The following TPPP3 variants were observed in gnomAD, a reference collection of about 807,000 sequenced individuals.
TPPP3 encodes the protein tubulin polymerization promoting protein family member 3.
A neutral mutation model predicts 13.1 loss-of-function variants in TPPP3; 7 were observed. The ratio of observed to expected loss-of-function variants is 0.54; its 90% CI spans 0.30 to 1.01. TPPP3 has a LOEUF of 1.01. Among genes scored for constraint, TPPP3 ranks in the 50% least tolerant of loss-of-function variants. The pLI is 0.06. For missense variants in TPPP3, 185 were observed against 235.0 expected, an observed-to-expected ratio of 0.79 and a Z score of 1.39; for synonymous variants, 87 against 93.7, an observed-to-expected ratio of 0.93 and a Z score of 0.41.
rs144866541 is a variant in TPPP3 at position 67,392,917 on chromosome 16, A to G, written c.-7+463T>C. 9.3e-6 allele frequency: 9 copies of G among 964,890 alleles called. No homozygotes were observed. Among genetic ancestry groups the G allele is most frequent in the Non-Finnish European group, 1.1e-5 (9 of 811,422 alleles). The allele number at this position is 964,890 out of a possible 1,614,324, so 59.8% of individuals were successfully genotyped here. A position where few individuals can be genotyped will look rare whatever the true frequency, so the allele number is the denominator to read the frequency against. ...CTCCCCTTCCCTTTCCCTGGGTGCA[A>G]CCTCCCACCAGGGACCCCAAGACCC... On this transcript the variant is annotated intron_variant, in intron 1 of 3. Transcript: ENST00000393957. The surrounding 1 kb of genome is among the most constrained non-coding windows in gnomAD (Gnocchi z 4.9).
chr16:67,390,501 T>A lies in TPPP3; in HGVS notation c.320A>T (p.Glu107Val). 1 of 1,613,620 alleles carries A rather than the reference T, an allele frequency of 6.2e-7. No homozygotes were observed. The highest frequency in any genetic ancestry group is 8.5e-7 in the Non-Finnish European group (1 of 1,179,902). Residue 107 changes from glutamate (E) to valine (V), a missense_variant, in exon 3 of 4, where the codon GAG (glutamate) becomes GTG (valine). By Grantham distance (121) the Glu-to-Val change is moderately radical. Coordinates refer to ENST00000393957, the MANE Select transcript of TPPP3 (RefSeq NM_015964.4). The surrounding 1 kb of genome is among the most constrained non-coding windows in gnomAD (Gnocchi z 6.4). The stretch of plus-strand genomic sequence containing the variant: ...TACAGTGACGCCCACATTGGCTGGC[T>A]CTTTGCCTGCCACCAGCTGGCAGAT... ...DAICQLVAGK[E>V]PANVGVTKAK...
rs967850579 is a variant in TPPP3, at chr16:67,393,423, C to T, written c.-50G>A. ...GTGTGCGTTCGGAAGGACAGAACGA[C>T]GCAGGAATGGACCGATGGACGCGGG... is the stretch of plus-strand genomic sequence containing the variant. On this transcript the variant is annotated 5_prime_UTR_variant, in exon 1 of 4. Transcript: ENST00000393957. The surrounding 1 kb of genome is among the most constrained non-coding windows in gnomAD (Gnocchi z 5.4). 2.0e-6 allele frequency: 2 copies of T among 985,578 alleles called. No individual in the cohort carries two copies. The highest frequency in any genetic ancestry group is 2.4e-6 in the Non-Finnish European group (2 of 830,032). The allele number at this position is 985,578 out of a possible 1,614,324, so 61.1% of individuals were successfully genotyped here. A position where few individuals can be genotyped will look rare whatever the true frequency, so the allele number is the denominator to read the frequency against.
Position 67,390,678 on chromosome 16 carries a change from C to T in TPPP3, c.189-46G>A. The T allele has an allele frequency of 6.4e-7, 1 of 1,572,432 alleles. No homozygotes were observed. The highest frequency in any genetic ancestry group is 8.6e-7 in the Non-Finnish European group (1 of 1,164,128). ...ATGAGGGTTCCCCTTTCTTTTTTCT[C>T]CCCCAGGGGAAAGCTCAAACACATT... On this transcript the variant is annotated intron_variant, in intron 2 of 3. Transcript: ENST00000393957. The surrounding 1 kb of genome is among the most constrained non-coding windows in gnomAD (Gnocchi z 6.4).
rs1431656456 is a variant in TPPP3 at position 67,392,732 on chromosome 16, G to A, written c.-7+648C>T. 6.6e-6 allele frequency among the ~76,000 whole-genome samples: 1 copy of A among 152,080 alleles called. No individual in the cohort carries two copies. The highest frequency in any genetic ancestry group is 1.5e-5 in the Non-Finnish European group (1 of 68,010). ...CTTCTAGCTCTGCCTTTTACACTAG[G>A]GCTTCCAGTGACCACGGCCTGGGCT... On this transcript the variant is annotated intron_variant, in intron 1 of 3. Transcript: ENST00000393957. This position sits in a 1 kb window ranked among gnomAD's most constrained non-coding sequence, Gnocchi z 4.9.
Position 67,389,831 on chromosome 16 carries a change from T to C in TPPP3, c.*343A>G, listed in dbSNP as rs2040302670. ...ATATTGGTACAAAAGGTGTCTTTAT[T>C]GAGGTCTGGGTTAAAATTAGGCACT... On this transcript the variant is annotated 3_prime_UTR_variant, in exon 4 of 4. Transcript: ENST00000393957. 1 of 284,970 alleles carries C rather than the reference T, an allele frequency of 3.5e-6. No individual in the cohort carries two copies. The highest frequency in any genetic ancestry group is 4.6e-5 in the Admixed American group (1 of 21,592). 17.7% of individuals were successfully genotyped at this position (284,970 alleles called of 1,614,324 possible). A position where few individuals can be genotyped will look rare whatever the true frequency, so the allele number is the denominator to read the frequency against.
In TPPP3 at chr16:67,389,874, T is replaced by G; in HGVS notation, c.*300A>C. Reference sequence around the variant, plus strand: ...TAGGCACTTGGCCAGAGCAGCAGCTTAAATATGAGGCAAGCAGTCAGGGGT... The same window carrying G: ...TAGGCACTTGGCCAGAGCAGCAGCTGAAATATGAGGCAAGCAGTCAGGGGT... On this transcript the variant is annotated 3_prime_UTR_variant, in exon 4 of 4. Coordinates refer to ENST00000393957, the MANE Select transcript of TPPP3 (RefSeq NM_015964.4). 2.5e-6 allele frequency: 1 copy of G among 399,426 alleles called. No individual in the cohort carries two copies. The highest frequency in any genetic ancestry group is 4.6e-6 in the Non-Finnish European group (1 of 219,538). The allele number at this position is 399,426 out of a possible 1,614,324, so 24.7% of individuals were successfully genotyped here. A position where few individuals can be genotyped will look rare whatever the true frequency, so the allele number is the denominator to read the frequency against.
At position 67,389,943 on chromosome 16, in the gene TPPP3, C is replaced by G. The variant is rs2040303926; in HGVS notation, c.*231G>C. The G allele has an allele frequency of 1.8e-6, 1 of 568,702 alleles. No homozygotes were observed. The allele number at this position is 568,702 out of a possible 1,614,324, so 35.2% of individuals were successfully genotyped here. A position where few individuals can be genotyped will look rare whatever the true frequency, so the allele number is the denominator to read the frequency against. ...GGTTGGGGTCATGAGGCTACAGGCA[C>G]AGACTGTCCCCAGGTGGACAGAAGT... On this transcript the variant is annotated 3_prime_UTR_variant, in exon 4 of 4. Transcript: ENST00000393957.
chr16:67,389,898 G>T lies in TPPP3; in HGVS notation c.*276C>A, dbSNP rs1395883932. The T allele has an allele frequency of 6.4e-6, 3 of 467,012 alleles. No individual in the cohort carries two copies. Among genetic ancestry groups the T allele is most frequent in the African/African-American group, 1.9e-5 (1 of 51,588 alleles). The allele number at this position is 467,012 out of a possible 1,614,324, so 28.9% of individuals were successfully genotyped here. A position where few individuals can be genotyped will look rare whatever the true frequency, so the allele number is the denominator to read the frequency against. On this transcript the variant is annotated 3_prime_UTR_variant, in exon 4 of 4. Coordinates refer to ENST00000393957, the MANE Select transcript of TPPP3 (RefSeq NM_015964.4). Reference sequence around the variant, plus strand: ...TTAAATATGAGGCAAGCAGTCAGGGGTTAGCCATGCCTGGGGCTGGGTTGG... The same window carrying T: ...TTAAATATGAGGCAAGCAGTCAGGGTTTAGCCATGCCTGGGGCTGGGTTGG...
In TPPP3 at chr16:67,393,063, G is replaced by A. The variant is rs2040348509; in HGVS notation, c.-7+317C>T. ...CTGTCCGTGGAAAGATGGATTCTTG[G>A]TCATCTCAGCGCGGTCAGGTGGCGC... On this transcript the variant is annotated intron_variant, in intron 1 of 3. Coordinates refer to ENST00000393957, the MANE Select transcript of TPPP3 (RefSeq NM_015964.4). The surrounding 1 kb of genome is among the most constrained non-coding windows in gnomAD (Gnocchi z 5.4). 2.0e-6 allele frequency: 2 copies of A among 982,650 alleles called. No individual in the cohort carries two copies. The highest frequency in any genetic ancestry group is 2.4e-6 in the Non-Finnish European group (2 of 827,520). 60.9% of individuals were successfully genotyped at this position (982,650 alleles called of 1,614,324 possible).
rs2040342335 is a variant in TPPP3, at chr16:67,392,609, C to T, written c.-7+771G>A. Among the ~76,000 whole-genome samples the T allele has an allele frequency of 6.6e-6, 1 of 152,106 alleles. No individual in the cohort carries two copies. The highest frequency in any genetic ancestry group is 1.5e-5 in the Non-Finnish European group (1 of 68,020). On this transcript the variant is annotated intron_variant, in intron 1 of 3. Coordinates refer to ENST00000393957, the MANE Select transcript of TPPP3 (RefSeq NM_015964.4). The surrounding 1 kb of genome is among the most constrained non-coding windows in gnomAD (Gnocchi z 4.9). The stretch of plus-strand genomic sequence containing the variant: ...TCCACACACTAACATTATAAGACTC[C>T]CAGGTACTATGCGGAGATCCCCTGC...
Position 67,390,676 on chromosome 16 carries a change from C to T in TPPP3, c.189-44G>A. On this transcript the variant is annotated intron_variant, in intron 2 of 3. Coordinates refer to ENST00000393957, the MANE Select transcript of TPPP3 (RefSeq NM_015964.4). This position sits in a 1 kb window ranked among gnomAD's most constrained non-coding sequence, Gnocchi z 6.4. The stretch of plus-strand genomic sequence containing the variant: ...CCATGAGGGTTCCCCTTTCTTTTTT[C>T]TCCCCCAGGGGAAAGCTCAAACACA... The T allele has an allele frequency of 6.3e-7, 1 of 1,575,854 alleles. No individual in the cohort carries two copies. The highest frequency in any genetic ancestry group is 1.4e-5 in the African/African-American group (1 of 73,438).
At position 67,390,592 on chromosome 16, in the gene TPPP3, T is replaced by C; in HGVS notation, c.229A>G (p.Lys77Glu). ...ARVINYEEFK[K>E]ALEELATKRF... Reference sequence around the variant, plus strand: ...TTGGTCGCCAGCTCTTCCAGGGCCTTCTTGAACTCCTCATAGTTGATGACC... The same window carrying C: ...TTGGTCGCCAGCTCTTCCAGGGCCTCCTTGAACTCCTCATAGTTGATGACC... Residue 77 changes from lysine to glutamate, a missense_variant, in exon 3 of 4, where the codon AAG (lysine) becomes GAG (glutamate). Lys to Glu is a moderately conservative substitution (Grantham distance 56, BLOSUM62 1). Coordinates refer to ENST00000393957, the MANE Select transcript of TPPP3 (RefSeq NM_015964.4). The surrounding 1 kb of genome is among the most constrained non-coding windows in gnomAD (Gnocchi z 6.4). 2 of 1,613,970 alleles carry C rather than the reference T, an allele frequency of 1.2e-6. No individual in the cohort carries two copies. Among genetic ancestry groups the C allele is most frequent in the Non-Finnish European group, 1.7e-6 (2 of 1,180,022 alleles).
rs2040353805 is a variant in TPPP3 at position 67,393,358 on chromosome 16, TG to T, written c.-7+21del. The stretch of plus-strand genomic sequence containing the variant: ...GATACTGATTGGGGTGGCGGGCATC[TG>T]GGTCTCCTATGGGCTTCTACCTCGC... On this transcript the variant is annotated intron_variant, in intron 1 of 3. Transcript: ENST00000393957. The surrounding 1 kb of genome is among the most constrained non-coding windows in gnomAD (Gnocchi z 5.4). 1 of 985,612 alleles carries T rather than the reference TG, an allele frequency of 1.0e-6. No individual in the cohort carries two copies. The highest frequency in any genetic ancestry group is 1.2e-6 in the Non-Finnish European group (1 of 830,040). The allele number at this position is 985,612 out of a possible 1,614,324, so 61.1% of individuals were successfully genotyped here.
In TPPP3 at chr16:67,392,745, C is replaced by T. The variant is rs1375008283; in HGVS notation, c.-7+635G>A. Reference sequence around the variant, plus strand: ...CTTTTACACTAGGGCTTCCAGTGACCACGGCCTGGGCTCTGCCCGGCTGCC... The same window carrying T: ...CTTTTACACTAGGGCTTCCAGTGACTACGGCCTGGGCTCTGCCCGGCTGCC... On this transcript the variant is annotated intron_variant, in intron 1 of 3. Transcript: ENST00000393957. This position sits in a 1 kb window ranked among gnomAD's most constrained non-coding sequence, Gnocchi z 4.9. Among the ~76,000 whole-genome samples the T allele has an allele frequency of 6.6e-6, 1 of 152,178 alleles. No individual in the cohort carries two copies. Among genetic ancestry groups the T allele is most frequent in the Non-Finnish European group, 1.5e-5 (1 of 68,032 alleles).
Position 67,391,145 on chromosome 16 carries a change from C to T in TPPP3, c.-6-28G>A. ...ATAGAGACCCACCTGGGTCATCTCC[C>T]AGCCAATCTGCCCTTCCCCTCCCCC... On this transcript the variant is annotated intron_variant, in intron 1 of 3. Coordinates refer to ENST00000393957, the MANE Select transcript of TPPP3 (RefSeq NM_015964.4). This position sits in a 1 kb window ranked among gnomAD's most constrained non-coding sequence, Gnocchi z 6.3. The T allele has an allele frequency of 6.2e-7, 1 of 1,606,588 alleles. No individual in the cohort carries two copies. The highest frequency in any genetic ancestry group is 8.5e-7 in the Non-Finnish European group (1 of 1,175,134).
At position 67,391,589 on chromosome 16, in the gene TPPP3, G is replaced by A. The variant is rs1261021287; in HGVS notation, c.-6-472C>T. ...CAGTGAGGACAGCATCTCTGTAAGG[G>A]TCATGAGGACCCAGCAAGAGCCAGT... On this transcript the variant is annotated intron_variant, in intron 1 of 3. Coordinates refer to ENST00000393957, the MANE Select transcript of TPPP3 (RefSeq NM_015964.4). This position sits in a 1 kb window ranked among gnomAD's most constrained non-coding sequence, Gnocchi z 6.3. 6.2e-6 allele frequency: 1 copy of A among 160,190 alleles called. No individual in the cohort carries two copies. Among genetic ancestry groups the A allele is most frequent in the Non-Finnish European group, 1.4e-5 (1 of 72,978 alleles). 9.9% of individuals were successfully genotyped at this position (160,190 alleles called of 1,614,324 possible).
chr16:67,391,272 G>T lies in TPPP3; in HGVS notation c.-6-155C>A. 1 of 741,500 alleles carries T rather than the reference G, an allele frequency of 1.3e-6. No individual in the cohort carries two copies. Among genetic ancestry groups the T allele is most frequent in the South Asian group, 1.9e-5 (1 of 53,620 alleles). 45.9% of individuals were successfully genotyped at this position (741,500 alleles called of 1,614,324 possible). A position where few individuals can be genotyped will look rare whatever the true frequency, so the allele number is the denominator to read the frequency against. Reference sequence around the variant, plus strand: ...TGCCTGGGGAGAGGGGCCCGTCACTGTCGCCCTGGGCCACAGAGCCCCAAG... The same window carrying T: ...TGCCTGGGGAGAGGGGCCCGTCACTTTCGCCCTGGGCCACAGAGCCCCAAG... On this transcript the variant is annotated intron_variant, in intron 1 of 3. Coordinates refer to ENST00000393957, the MANE Select transcript of TPPP3 (RefSeq NM_015964.4). This position sits in a 1 kb window ranked among gnomAD's most constrained non-coding sequence, Gnocchi z 6.3.
chr16:67,392,702 AC>A lies in TPPP3; in HGVS notation c.-7+677del, dbSNP rs2040343882. ...CCTGACCACACCCTCGGTCTCAGCA[AC>A]CATCTTCTAGCTCTGCCTTTTACAC... On this transcript the variant is annotated intron_variant, in intron 1 of 3. Transcript: ENST00000393957. The surrounding 1 kb of genome is among the most constrained non-coding windows in gnomAD (Gnocchi z 4.9). 6.6e-6 allele frequency among the ~76,000 whole-genome samples: 1 copy of A among 152,108 alleles called. No homozygotes were observed. Among genetic ancestry groups the A allele is most frequent in the Admixed American group, 6.6e-5 (1 of 15,266 alleles).
At position 67,391,393 on chromosome 16, in the gene TPPP3, TGGCA is replaced by T; in HGVS notation, c.-6-280_-6-277del. On this transcript the variant is annotated intron_variant, in intron 1 of 3. Transcript: ENST00000393957. The surrounding 1 kb of genome is among the most constrained non-coding windows in gnomAD (Gnocchi z 6.3). ...ATAATGATGCCCACAGGGAACAGAG[TGGCA>T]CTGTCCAGAAAGACTGTTAGGGCAG... The T allele has an allele frequency of 2.3e-6, 1 of 441,608 alleles. No homozygotes were observed. Among genetic ancestry groups the T allele is most frequent in the South Asian group, 3.0e-5 (1 of 33,878 alleles). The allele number at this position is 441,608 out of a possible 1,614,324, so 27.4% of individuals were successfully genotyped here.
Sources: gnomAD v4.1 joint callset for allele counts (sites outside exome capture counted in the v4.1 genomes callset) on GRCh38, gnomAD v4.1.1 for gene constraint, Gnocchi (gnomAD v3.1) non-coding constraint, MANE v1.5 for transcripts, NCBI Gene and HGNC (gene_info 2026-07-23, HGNC 2026-07-21) for gene names.